Variants in CSMD3 observed in about 807,000 individuals in gnomAD.
The protein encoded by CSMD3 is CUB and Sushi multiple domains 3.
Under a neutral mutation model 435.2 loss-of-function variants are expected in CSMD3, and 177 were observed. The ratio of observed to expected loss-of-function variants is 0.41; its 90% CI spans 0.36 to 0.46. CSMD3 has a LOEUF of 0.46. Ranked by LOEUF, CSMD3 falls within the 20% of genes least tolerant of loss-of-function variation. The pLI is 0.34. For missense variants in CSMD3, 4,265 were observed against 4,504.6 expected (o/e 0.95, Z 1.52); for synonymous variants, 1,656 against 1,520.5 (o/e 1.09, Z -2.07).
intron 31 of CSMD3, among the ~76,000 whole-genome samples, chr8:112,488,353 T>C (rs1444195381): frequency 2.6e-5 from 4 of 152,230 alleles, no homozygotes; most frequent in Non-Finnish European, 5.9e-5. Flanking sequence ...TATGACTGCA[T>C]GGAGCTTATG....
chr8:113,003,929 C>A (rs371629491), intron 6 of CSMD3, among the ~76,000 whole-genome samples: 8 of 151,938 alleles, frequency 5.3e-5, no homozygotes, highest in African/African-American at 1.7e-4. Flanking sequence ...TTAAAAAAAA[C>A]ATTTATTTTT....
At chr8:112,584,218 A>G (rs1830542679) in intron 23 of CSMD3, among the ~76,000 whole-genome samples, 1 of 151,844 alleles carries the variant, frequency 6.6e-6, no homozygotes, top group South Asian at 2.1e-4. Context: ...GGATATAATC[A>G]TAATTACTAC....
intron 3 of CSMD3, among the ~76,000 whole-genome samples, chr8:113,175,203 T>C (rs2092329620): frequency 1.3e-5 from 2 of 151,824 alleles, no homozygotes; most frequent in Non-Finnish European, 2.9e-5. Flanking sequence ...TTTTTAAACT[T>C]TCATTAATTT....
intron 13 of CSMD3, among the ~76,000 whole-genome samples, chr8:112,757,449 A>G (rs1282898422): frequency 6.6e-6 from 1 of 152,126 alleles, no homozygotes; most frequent in Admixed American, 6.5e-5. Context: ...GTATGCTTAC[A>G]TATAAGAGGT....
intron 1 of CSMD3, among the ~76,000 whole-genome samples, chr8:113,402,124 A>T (rs1304670794): frequency 6.6e-6 from 1 of 151,452 alleles, no homozygotes; most frequent in East Asian, 1.9e-4. Flanking sequence ...GCTCCTTGTG[A>T]TTTCATCCCT....
rs1825109944 is a variant in CSMD3 at position 112,341,476 on chromosome 8, C to G, written c.6652+1G>C. On this transcript the variant is annotated splice_donor_variant, in intron 42 of 70. Transcript: ENST00000297405. LOFTEE classifies it high-confidence loss of function. ...TTTTCATTTTTTATTATTTCTCTTA[C>G]CTTGGTATACAATATGAAACCCTTG... 1 of 1,578,410 alleles carries G rather than the reference C, an allele frequency of 6.3e-7. No homozygotes were observed. Among genetic ancestry groups the G allele is most frequent in the Admixed American group, 1.7e-5 (1 of 59,842 alleles).
At chr8:113,079,561 T>C (rs2089473318) in intron 5 of CSMD3, among the ~76,000 whole-genome samples, 1 of 152,074 alleles carries the variant, frequency 6.6e-6, no homozygotes, top group African/African-American at 2.4e-5. Context: ...TTGGTGACCT[T>C]ATTAGAGAAA....
At chr8:112,781,436 A>G (rs528956233) in intron 13 of CSMD3, among the ~76,000 whole-genome samples, 2 of 152,206 alleles carry the variant, frequency 1.3e-5, no homozygotes, top group Admixed American at 1.3e-4. Flanking sequence ...AATAACTAAA[A>G]TTCATAACTC....
At chr8:112,325,650 G>A (rs1412561418) in intron 45 of CSMD3, among the ~76,000 whole-genome samples, 4 of 151,938 alleles carry the variant, frequency 2.6e-5, no homozygotes, top group Admixed American at 2.0e-4. Flanking sequence ...CCGAATTAGT[G>A]TATATACATA....
At chr8:112,440,819 CA>C (rs1468460791) in intron 32 of CSMD3, among the ~76,000 whole-genome samples, 10 of 152,280 alleles carry the variant, frequency 6.6e-5, no homozygotes, top group South Asian at 2.1e-4. Flanking sequence ...AGCTGGGATG[CA>C]GGTCATGATG....
intron 16 of CSMD3, among the ~76,000 whole-genome samples, chr8:112,676,186 T>A (rs942789918): frequency 6.6e-6 from 1 of 152,072 alleles, no homozygotes; most frequent in African/African-American, 2.4e-5. Context: ...AAGTTGAACA[T>A]ATAAGTCTAC....
At chr8:113,269,687 C>T (rs2093503477) in intron 3 of CSMD3, among the ~76,000 whole-genome samples, 1 of 145,326 alleles carries the variant, frequency 6.9e-6, no homozygotes, top group Admixed American at 6.6e-5. Flanking sequence ...TTTGACAAAC[C>T]TGACAAAAAA....
chr8:113,044,879 C>T (rs1504336), intron 5 of CSMD3, among the ~76,000 whole-genome samples: 72,794 of 147,956 alleles, frequency 0.49, 21,937 homozygotes, highest in East Asian at 0.86. Context: ...GAGTGTGAAA[C>T]TAGTTAGGAT....
At chr8:112,753,577 T>A (rs2077623563) in intron 13 of CSMD3, among the ~76,000 whole-genome samples, 1 of 152,222 alleles carries the variant, frequency 6.6e-6, no homozygotes, top group African/African-American at 2.4e-5. Context: ...AGCCTCTATA[T>A]GCCAGGAGTT....
intron 38 of CSMD3, among the ~76,000 whole-genome samples, chr8:112,377,946 G>A (rs1829105681): frequency 6.6e-6 from 1 of 152,008 alleles, no homozygotes; most frequent in Admixed American, 6.6e-5. Flanking sequence ...ACAAGGTAAA[G>A]ATATCCACTC....
intron 13 of CSMD3, among the ~76,000 whole-genome samples, chr8:112,719,592 T>C (rs576396534): frequency 6.6e-6 from 1 of 152,258 alleles, no homozygotes; most frequent in South Asian, 2.1e-4. Context: ...AGAAGGGCAC[T>C]GATCCCATCA....
At chr8:112,631,062 G>A (rs986074182) in intron 22 of CSMD3, among the ~76,000 whole-genome samples, 1 of 151,472 alleles carries the variant, frequency 6.6e-6, no homozygotes, top group Non-Finnish European at 1.5e-5. Context: ...AATAAATGGA[G>A]CCCAGGATGA....
chr8:112,523,610 T>C (rs1017499185), intron 27 of CSMD3, among the ~76,000 whole-genome samples: 2 of 151,964 alleles, frequency 1.3e-5, no homozygotes, highest in Non-Finnish European at 1.5e-5. Context: ...AGATGGGTAA[T>C]GGGAATACTT....
chr8:112,553,671 T>C (rs1827875635), intron 25 of CSMD3, among the ~76,000 whole-genome samples: 1 of 152,062 alleles, frequency 6.6e-6, no homozygotes, highest in South Asian at 2.1e-4. Context: ...TCTGACAACT[T>C]TCCTATTATC....
Sources: allele counts gnomAD v4.1 joint callset (sites outside exome capture counted in the v4.1 genomes callset), GRCh38; gene constraint gnomAD v4.1.1; transcripts MANE v1.5; gene names NCBI Gene and HGNC (gene_info 2026-07-23, HGNC 2026-07-21).